Variants in PDE8A observed in about 807,000 individuals in gnomAD.
PDE8A encodes the protein phosphodiesterase 8A.
A neutral mutation model predicts 105.0 loss-of-function variants in PDE8A; 59 were observed. That is an observed-to-expected ratio of 0.56 (90% confidence interval 0.46 to 0.70). PDE8A has a LOEUF of 0.70. PDE8A is among the 30% of genes least tolerant of loss of function. PDE8A has a pLI of 0.00. For missense variants in PDE8A, 1,014 were observed against 1,045.9 expected, an observed-to-expected ratio of 0.97 and a Z score of 0.42; for synonymous variants, 355 against 371.9, an observed-to-expected ratio of 0.95 and a Z score of 0.52.
intron 1 of PDE8A, among the ~76,000 whole-genome samples, chr15:85,047,790 C>G (rs775949531): frequency 6.6e-6 from 1 of 152,154 alleles, no homozygotes; most frequent in Non-Finnish European, 1.5e-5. Context: ...AGGGATGAGC[C>G]TTTTGCCCTG....
At position 85,061,938 on chromosome 15, in the gene PDE8A, T is replaced by A. The variant is rs1465582397; in HGVS notation, c.187-2432T>A. Among the ~76,000 whole-genome samples the A allele has an allele frequency of 2.0e-5, 3 of 152,198 alleles. No homozygotes were observed. The South Asian group carries it at 6.2e-4, about 31-fold the overall frequency. Reference sequence around the variant, plus strand: ...TTGTACTTTTCAGCTCCAGAAATTATTTTTGGTTTCTTTTTAGTTTTTTTC... The same window carrying A: ...TTGTACTTTTCAGCTCCAGAAATTAATTTTGGTTTCTTTTTAGTTTTTTTC... On this transcript the variant is annotated intron_variant, in intron 1 of 21. Coordinates refer to ENST00000394553, the MANE Select transcript of PDE8A (RefSeq NM_002605.3).
chr15:85,009,376 A>G (rs1332274044), intron 1 of PDE8A, among the ~76,000 whole-genome samples: 1 of 152,226 alleles, frequency 6.6e-6, no homozygotes, highest in Non-Finnish European at 1.5e-5. Context: ...CAGACCAACA[A>G]AATACTATTC....
At position 85,125,745 on chromosome 15, in the gene PDE8A, C is replaced by T. The variant is rs879611008; in HGVS notation, c.2086-462C>T. 4.6e-5 allele frequency among the ~76,000 whole-genome samples: 7 copies of T among 152,064 alleles called. No individual in the cohort carries two copies. The South Asian group carries it at 8.3e-4, about 18-fold the overall frequency. ...TATCACAGGACTGGGTTGAGAAGTACGGAGGCTGTTGGGCTGCAAGAGCCC... is the reference window on the plus strand; with the variant it reads ...TATCACAGGACTGGGTTGAGAAGTATGGAGGCTGTTGGGCTGCAAGAGCCC... On this transcript the variant is annotated intron_variant, in intron 19 of 21. Transcript: ENST00000394553.
At chr15:85,106,119 C>G (rs2081943824) in intron 11 of PDE8A, among the ~76,000 whole-genome samples, 1 of 151,966 alleles carries the variant, frequency 6.6e-6, no homozygotes, top group African/African-American at 2.4e-5. Context: ...TAGTCTCCCT[C>G]CACTTTTCAC....
chr15:84,993,391 C>G (rs375614453), intron 1 of PDE8A, among the ~76,000 whole-genome samples: 3 of 134,606 alleles, frequency 2.2e-5, no homozygotes, highest in Non-Finnish European at 3.1e-5. Flanking sequence ...TGTAGTGAGC[C>G]GAAATCGCGC....
intron 1 of PDE8A, among the ~76,000 whole-genome samples, chr15:85,052,912 G>A (rs111614516): frequency 0.091 from 13,841 of 152,148 alleles, 1,671 homozygotes; most frequent in African/African-American, 0.28. Context: ...CCTATGTCCC[G>A]AATGATATTG....
intron 8 of PDE8A, among the ~76,000 whole-genome samples, chr15:85,096,589 T>A (rs933187396): frequency 2.6e-5 from 4 of 152,234 alleles, no homozygotes; most frequent in African/African-American, 9.6e-5. Flanking sequence ...TGCTGAAGCC[T>A]TCCTTCTAAG....
intron 1 of PDE8A, among the ~76,000 whole-genome samples, chr15:85,001,092 G>A (rs969110938): frequency 1.3e-5 from 2 of 152,152 alleles, no homozygotes; most frequent in African/African-American, 4.8e-5. Flanking sequence ...GTAAAGCCCA[G>A]CCTGATGGGT....
Position 85,117,579 on chromosome 15 carries a change from C to T in PDE8A, c.1536-62C>T, listed in dbSNP as rs889344972. ...AATTTGGCTTGGAACCTATTCAGGC[C>T]TTAAACACTTGGCCTGTTTGTTTGC... On this transcript the variant is annotated intron_variant, in intron 16 of 21. Transcript: ENST00000394553. The T allele has an allele frequency of 2.1e-6, 3 of 1,432,544 alleles. No individual in the cohort carries two copies. The African/African-American group carries it at 4.2e-5, about 20-fold the overall frequency. The allele number at this position is 1,432,544 out of a possible 1,614,324, so 88.7% of individuals were successfully genotyped here.
chr15:85,022,753 A>T (rs889546219), intron 1 of PDE8A, among the ~76,000 whole-genome samples: 1 of 151,630 alleles, frequency 6.6e-6, no homozygotes, highest in African/African-American at 2.4e-5. Context: ...GGGTTTCACC[A>T]TGTTGGCCAG....
rs532564101 is a variant in PDE8A, at chr15:84,994,136, A to G, written c.186+11788A>G. On this transcript the variant is annotated intron_variant, in intron 1 of 21. Coordinates refer to ENST00000394553, the MANE Select transcript of PDE8A (RefSeq NM_002605.3). The stretch of plus-strand genomic sequence containing the variant: ...GCTCAATATTTTAAGTCACGAATTC[A>G]TTCCTCAAGGTCTACTCAGCTCTTT... Among the ~76,000 whole-genome samples, 117 of 152,250 alleles carry G rather than the reference A, an allele frequency of 7.7e-4. 1 individual carries two copies. Among genetic ancestry groups the G allele is most frequent in the Middle Eastern group, 3.4e-3 (1 of 294 alleles).
chr15:85,101,076 C>G (rs760981325), intron 11 of PDE8A, among the ~76,000 whole-genome samples: 6 of 152,162 alleles, frequency 3.9e-5, no homozygotes, highest in Non-Finnish European at 7.4e-5. Flanking sequence ...TAGAATAACT[C>G]AAGGAGGTAA....
At chr15:85,068,652 G>T (rs370653194) in intron 3 of PDE8A, among the ~76,000 whole-genome samples, 1 of 152,140 alleles carries the variant, frequency 6.6e-6, no homozygotes, top group Non-Finnish European at 1.5e-5. Context: ...GTGGAATGTT[G>T]CAAGGCAGTA....
intron 1 of PDE8A, among the ~76,000 whole-genome samples, chr15:84,984,224 A>G (rs1198698202): frequency 6.6e-6 from 1 of 152,238 alleles, no homozygotes; most frequent in Non-Finnish European, 1.5e-5. Flanking sequence ...CAGAAATAAT[A>G]GCCCCATACT....
intron 1 of PDE8A, among the ~76,000 whole-genome samples, chr15:85,007,741 G>A (rs2080172116): frequency 6.6e-6 from 1 of 152,112 alleles, no homozygotes; most frequent in African/African-American, 2.4e-5. Flanking sequence ...ATAGTGTTGA[G>A]TACATAGTAA....
chr15:84,987,586 C>T (rs920784055), intron 1 of PDE8A, among the ~76,000 whole-genome samples: 1 of 150,550 alleles, frequency 6.6e-6, no homozygotes, highest in African/African-American at 2.4e-5. Flanking sequence ...ATTCGCATGC[C>T]TTAGCCTCCC....
chr15:84,994,199 G>C (rs1336274012), intron 1 of PDE8A, among the ~76,000 whole-genome samples: 3 of 152,190 alleles, frequency 2.0e-5, no homozygotes, highest in Admixed American at 6.5e-5. Context: ...TTTGTCTTCA[G>C]TCTATGGTTT....
At chr15:85,061,011 GTTTTA>G (rs968842859) in intron 1 of PDE8A, among the ~76,000 whole-genome samples, 9 of 151,972 alleles carry the variant, frequency 5.9e-5, no homozygotes, top group African/African-American at 2.2e-4. Context: ...TTTTTGGTTT[GTTTTA>G]TTTTGTTTTT....
chr15:85,070,842 G>A (rs1286483033), intron 3 of PDE8A, among the ~76,000 whole-genome samples: 1 of 152,184 alleles, frequency 6.6e-6, no homozygotes, highest in Admixed American at 6.5e-5. Flanking sequence ...TAACTTGGCT[G>A]CCAAGTGGAG....
Sources: gnomAD v4.1 joint callset for allele counts (sites outside exome capture counted in the v4.1 genomes callset) on GRCh38, gnomAD v4.1.1 for gene constraint, MANE v1.5 for transcripts, NCBI Gene and HGNC (gene_info 2026-07-23, HGNC 2026-07-21) for gene names.